TRPM3: variants seen among roughly 807,000 people sequenced by gnomAD.
TRPM3 encodes transient receptor potential cation channel subfamily M member 3.
In TRPM3, 77 loss-of-function variants were observed where a neutral mutation model predicts 181.2. The ratio of observed to expected loss-of-function variants is 0.42; its 90% confidence interval spans 0.35 to 0.51. The LOEUF (loss-of-function observed/expected upper bound fraction) is 0.51. Ranked by LOEUF, TRPM3 falls within the 20% of genes least tolerant of loss-of-function variation. TRPM3 has a pLI of 0.01. For synonymous variants in TRPM3, 745 were observed against 796.4 expected, an observed-to-expected ratio of 0.94 and a Z score of 1.09; for missense variants, 1,759 against 2,196.7, an observed-to-expected ratio of 0.80 and a Z score of 3.98.
chr9:70,545,424 G>C (rs1020898789), intron 25 of TRPM3, among the ~76,000 whole-genome samples: 4 of 152,044 alleles, frequency 2.6e-5, no homozygotes, highest in Admixed American at 2.6e-4. Context: ...CTGGAAAGCA[G>C]GATAAGCAAT....
intron 1 of TRPM3, among the ~76,000 whole-genome samples, chr9:71,287,654 T>C (rs1397476280): frequency 6.8e-6 from 1 of 147,448 alleles, no homozygotes; most frequent in Admixed American, 6.7e-5. Flanking sequence ...AAAAAAAGCC[T>C]GGACTATTAA....
In TRPM3 at chr9:71,409,699, C is replaced by T. The variant is rs1019715418; in HGVS notation, c.183+36954G>A. On this transcript the variant is annotated intron_variant, in intron 1 of 24. Coordinates refer to the TRPM3 transcript ENST00000357533. ...CCACTGTCAACATTAAACAGATCAA[C>T]GAGACAGAAGGTTAACAAGGATATC... is the stretch of plus-strand genomic sequence containing the variant. Among the ~76,000 whole-genome samples the T allele has an allele frequency of 5.9e-5, 9 of 152,210 alleles. 1 individual carries two copies. The South Asian group carries it at 6.2e-4, about 11-fold the overall frequency.
At chr9:70,696,618 G>A (rs2070554070) in intron 8 of TRPM3, among the ~76,000 whole-genome samples, 1 of 152,212 alleles carries the variant, frequency 6.6e-6, no homozygotes, top group Admixed American at 6.5e-5. Flanking sequence ...GTGGATGTGT[G>A]CGCAAACCCG....
chr9:71,338,091 AG>A (rs1279488498), intron 1 of TRPM3, among the ~76,000 whole-genome samples: 4,750 of 145,382 alleles, frequency 0.033, 104 homozygotes, highest in South Asian at 0.075. Flanking sequence ...CAACAACAAC[AG>A]AAAAAAAAAA....
chr9:71,336,961 AT>A (rs1328480011), intron 1 of TRPM3, among the ~76,000 whole-genome samples: 8 of 152,242 alleles, frequency 5.3e-5, no homozygotes, highest in Non-Finnish European at 1.0e-4. Context: ...CTCAAGATGG[AT>A]TAAAGACTTC....
chr9:70,602,413 C>T (rs1355288757), intron 20 of TRPM3, among the ~76,000 whole-genome samples: 1 of 151,966 alleles, frequency 6.6e-6, no homozygotes, highest in African/African-American at 2.4e-5. Flanking sequence ...CCTATGGTGC[C>T]CAGTATGTTT....
At chr9:71,158,174 C>T (rs541254245) in intron 1 of TRPM3, among the ~76,000 whole-genome samples, 2 of 152,070 alleles carry the variant, frequency 1.3e-5, no homozygotes, top group African/African-American at 4.8e-5. Flanking sequence ...ATTCAAGTAA[C>T]AGAAACTGAA....
intron 1 of TRPM3, among the ~76,000 whole-genome samples, chr9:71,422,248 T>C (rs1434830335): frequency 6.6e-6 from 1 of 152,056 alleles, no homozygotes; most frequent in Non-Finnish European, 1.5e-5. Context: ...GGCATGATTA[T>C]TCTGACATCA....
chr9:71,420,699 AAGAGAGAGAAAGAAAGAGAGAAAG>A (rs2093721634), intron 1 of TRPM3, among the ~76,000 whole-genome samples: 1 of 103,596 alleles, frequency 9.7e-6, no homozygotes, highest in African/African-American at 3.8e-5. Context: ...GGGAAAGAGA[AAGAGAGAGAAAGAAAGAGAGAAAG>A]AGAGAGAGAG....
At position 71,410,273 on chromosome 9, in the gene TRPM3, G is replaced by A. The variant is rs1048873489; in HGVS notation, c.183+36380C>T. On this transcript the variant is annotated intron_variant, in intron 1 of 24. Transcript: ENST00000357533. ...AAACTATGATCAGAGCAGAACTGAA[G>A]GAGATAGGGTCACAAAAAACACTTA... Among the ~76,000 whole-genome samples the A allele has an allele frequency of 2.2e-5, 3 of 135,512 alleles. No individual in the cohort carries two copies. In the East Asian group the frequency reaches 6.7e-4, roughly 30 times the overall value. The allele number at this position is 135,512 out of a possible 152,430, so 88.9% of individuals were successfully genotyped here.
rs887322800 is a variant in TRPM3, at chr9:70,531,031, T to A, written c.*4922A>T. ...AAGCCACAAGACAAGGAGGGAGGTC[T>A]CTTGTCATATCATTGGATCACACAT... On this transcript the variant is annotated 3_prime_UTR_variant, in exon 26 of 26. Coordinates refer to ENST00000677713, the MANE Select transcript of TRPM3 (RefSeq NM_001366145.2). 6.6e-6 allele frequency: 1 copy of A among 152,248 alleles called. No homozygotes were observed. The highest frequency in any genetic ancestry group is 6.5e-5 in the Admixed American group (1 of 15,284). The allele number at this position is 152,248 out of a possible 1,614,324, so 9.4% of individuals were successfully genotyped here. A position where few individuals can be genotyped will look rare whatever the true frequency, so the allele number is the denominator to read the frequency against.
chr9:70,810,964 G>A (rs537605437), intron 6 of TRPM3, among the ~76,000 whole-genome samples: 74 of 152,242 alleles, frequency 4.9e-4, no homozygotes, highest in Non-Finnish European at 8.2e-4. Context: ...CAATAGTGCC[G>A]TCAAGCTGTC....
intron 1 of TRPM3, among the ~76,000 whole-genome samples, chr9:71,277,060 A>G (rs2084271207): frequency 6.6e-6 from 1 of 152,244 alleles, no homozygotes; most frequent in Non-Finnish European, 1.5e-5. Flanking sequence ...AATTCATACA[A>G]TGTGATCTCA....
intron 1 of TRPM3, among the ~76,000 whole-genome samples, chr9:71,337,803 A>G (rs559373333): frequency 1.2e-4 from 18 of 152,288 alleles, no homozygotes; most frequent in Non-Finnish European, 1.5e-5. Context: ...GAAGCTGGAA[A>G]TCATCATTCT....
At chr9:70,830,885 C>T (rs1349782974) in intron 5 of TRPM3, among the ~76,000 whole-genome samples, 2 of 152,140 alleles carry the variant, frequency 1.3e-5, no homozygotes, top group South Asian at 2.1e-4. Context: ...CGGCTCTGCT[C>T]TATTTTACCA....
intron 1 of TRPM3, among the ~76,000 whole-genome samples, chr9:71,342,831 G>A (rs990863997): frequency 6.6e-6 from 1 of 151,984 alleles, no homozygotes; most frequent in Non-Finnish European, 1.5e-5. Context: ...TTTAATAAGT[G>A]AATTTTTAAA....
At chr9:71,138,056 G>C (rs2074873528) in intron 1 of TRPM3, among the ~76,000 whole-genome samples, 1 of 152,012 alleles carries the variant, frequency 6.6e-6, no homozygotes, top group South Asian at 2.1e-4. Flanking sequence ...AGAGGTTGGA[G>C]TGAGCCGAGA....
chr9:71,237,118 G>A lies in TRPM3; in HGVS notation c.183+209535C>T, dbSNP rs970302083. ...GGGATGGGGAAAGGGGAAAGGAAAA[G>A]GAAAAGAAGAAAAGGAAAATTATCT... is the stretch of plus-strand genomic sequence containing the variant. On this transcript the variant is annotated intron_variant, in intron 1 of 24. Transcript: ENST00000357533. 2.0e-5 allele frequency among the ~76,000 whole-genome samples: 3 copies of A among 148,138 alleles called. No homozygotes were observed. The East Asian group carries it at 5.8e-4, about 29-fold the overall frequency.
At chr9:70,835,069 G>A (rs2094215423) in intron 5 of TRPM3, among the ~76,000 whole-genome samples, 1 of 152,052 alleles carries the variant, frequency 6.6e-6, no homozygotes, top group Non-Finnish European at 1.5e-5. Context: ...TTGTTTAAAA[G>A]AGCCTGACAT....
Sources: allele counts gnomAD v4.1 joint callset (sites outside exome capture counted in the v4.1 genomes callset), GRCh38; gene constraint gnomAD v4.1.1; transcripts MANE v1.5; gene names NCBI Gene and HGNC (gene_info 2026-07-23, HGNC 2026-07-21).